The following TOPAZ1 variants were observed in gnomAD, a reference collection of about 807,000 sequenced individuals.
The protein encoded by TOPAZ1 is testis and ovary specific TOPAZ 1.
TOPAZ1 carries 66 observed loss-of-function variants against 172.2 expected under a neutral mutation model. That is an observed-to-expected ratio of 0.38 (90% CI 0.31 to 0.47). The LOEUF is 0.47. TOPAZ1 is among the 20% of genes least tolerant of loss of function. The pLI is 0.99. For synonymous variants in TOPAZ1, 681 were observed against 683.9 expected (o/e 1.00, Z 0.07); for missense variants, 1,822 against 1,972.4 (o/e 0.92, Z 1.44).
intron 19 of TOPAZ1, among the ~76,000 whole-genome samples, chr3:44,329,452 T>C (rs1700639668): frequency 6.6e-6 from 1 of 152,202 alleles, no homozygotes; most frequent in Admixed American, 6.5e-5. Flanking sequence ...ATGACATGAC[T>C]GACAGCTAAT....
chr3:44,281,383 G>A (rs1439439174), intron 8 of TOPAZ1, among the ~76,000 whole-genome samples: 2 of 152,132 alleles, frequency 1.3e-5, no homozygotes, highest in African/African-American at 4.8e-5. Context: ...AGTATCTTTT[G>A]AGAAATAGAA....
intron 4 of TOPAZ1, among the ~76,000 whole-genome samples, chr3:44,260,884 A>AGCCAGTC (rs1360816992): frequency 6.6e-6 from 1 of 152,174 alleles, no homozygotes; most frequent in Non-Finnish European, 1.5e-5. Context: ...CCAATTAACT[A>AGCCAGTC]GCCAGTTGTT....
chr3:44,245,164 TG>T lies in TOPAZ1; in HGVS notation c.2659del (p.Glu887ArgfsTer5). ...SNEGELSFTS[E>X]VPKISQEPNV... ...ATGAAGGGGAGCTCTCATTTACTTC[TG>T]AGGTCCCAAAGATAAGCCAGGAGCC... On this transcript the variant is annotated frameshift_variant, in exon 2 of 20. Coordinates refer to ENST00000309765, the MANE Select transcript of TOPAZ1 (RefSeq NM_001145030.2). LOFTEE classifies it high-confidence loss of function. 1 of 1,552,006 alleles carries T rather than the reference TG, an allele frequency of 6.4e-7. No individual in the cohort carries two copies. The highest frequency in any genetic ancestry group is 1.2e-5 in the South Asian group (1 of 84,066).
intron 9 of TOPAZ1, among the ~76,000 whole-genome samples, chr3:44,286,466 G>A (rs779168127): frequency 1.2e-4 from 18 of 152,090 alleles, no homozygotes; most frequent in Non-Finnish European, 2.2e-4. Flanking sequence ...AATAATTGTA[G>A]TATATAAAAA....
chr3:44,304,657 GATA>G (rs1700314398), intron 13 of TOPAZ1, among the ~76,000 whole-genome samples: 1 of 152,190 alleles, frequency 6.6e-6, no homozygotes, highest in African/African-American at 2.4e-5. Context: ...ATTGTAGAAA[GATA>G]ATAAGTTGAT....
intron 2 of TOPAZ1, among the ~76,000 whole-genome samples, chr3:44,250,874 T>C (rs1699622351): frequency 6.6e-6 from 1 of 152,140 alleles, no homozygotes; most frequent in Non-Finnish European, 1.5e-5. Flanking sequence ...TTGTACGTGA[T>C]TGAACATTTG....
intron 4 of TOPAZ1, among the ~76,000 whole-genome samples, chr3:44,259,011 A>T (rs1273697862): frequency 6.6e-6 from 1 of 152,104 alleles, no homozygotes; most frequent in African/African-American, 2.4e-5. Flanking sequence ...TCAGCTAGAG[A>T]TTTGGGCCAA....
At chr3:44,291,001 C>T in intron 12 of TOPAZ1, 115 bp downstream of exon 12, 1 of 621,436 alleles carries the variant, frequency 1.6e-6, no homozygotes, top group South Asian at 2.1e-5. Flanking sequence ...AGATAGTGGC[C>T]TGTCATAAAC....
intron 15 of TOPAZ1, among the ~76,000 whole-genome samples, chr3:44,309,239 A>G (rs1246442934): frequency 6.6e-6 from 1 of 152,142 alleles, no homozygotes. Context: ...CGGAATTAAG[A>G]ATTTTAGCTA....
At chr3:44,300,820 T>G (rs922472563) in intron 12 of TOPAZ1, among the ~76,000 whole-genome samples, 4 of 151,800 alleles carry the variant, frequency 2.6e-5, no homozygotes, top group African/African-American at 7.3e-5. Flanking sequence ...GTAAATGTTC[T>G]TAGCAGCTTT....
rs774247959 is a variant in TOPAZ1 at position 44,244,531 on chromosome 3, G to C, written c.2025G>C (p.Leu675Phe). The change falls in exon 2 of 20, where the codon TTG becomes TTC. Residue 675 changes from leucine (L) to phenylalanine (F), a missense_variant. Leu to Phe is a conservative substitution (Grantham distance 22, BLOSUM62 0). Transcript: ENST00000309765. ...IAQQTFIVPD[L>F]VKILNTGRLT... Reference sequence around the variant, plus strand: ...AACAAACATTTATAGTTCCAGACTTGGTTAAAATATTGAACACAGGACGGC... The same window carrying C: ...AACAAACATTTATAGTTCCAGACTTCGTTAAAATATTGAACACAGGACGGC... 48 of 1,550,836 alleles carry C rather than the reference G, an allele frequency of 3.1e-5. 2 individuals carry two copies. The South Asian group carries it at 5.5e-4, about 18-fold the overall frequency.
At chr3:44,250,413 A>G (rs1699617286) in intron 2 of TOPAZ1, among the ~76,000 whole-genome samples, 1 of 152,032 alleles carries the variant, frequency 6.6e-6, no homozygotes, top group African/African-American at 2.4e-5. Flanking sequence ...AATTTGTATA[A>G]AAATTATTAA....
intron 19 of TOPAZ1, 111 bp downstream of exon 19, chr3:44,328,544 T>C: frequency 2.1e-5 from 10 of 486,320 alleles, no homozygotes; most frequent in Non-Finnish European, 3.1e-5. Context: ...TATTTATGTA[T>C]ATATTTATAT....
chr3:44,311,228 T>A (rs912030032), intron 16 of TOPAZ1, among the ~76,000 whole-genome samples: 1 of 152,180 alleles, frequency 6.6e-6, no homozygotes, highest in Non-Finnish European at 1.5e-5. Flanking sequence ...AGGTTGTGAG[T>A]AGGCTTCATT....
chr3:44,273,060 A>G (rs1699915239), intron 8 of TOPAZ1, among the ~76,000 whole-genome samples: 1 of 152,224 alleles, frequency 6.6e-6, no homozygotes, highest in African/African-American at 2.4e-5. Context: ...GTGCCCAGAT[A>G]AGGCAAACAC....
downstream of TOPAZ1, among the ~76,000 whole-genome samples, chr3:44,335,582 C>G (rs912079412): frequency 3.8e-4 from 58 of 152,094 alleles, no homozygotes; most frequent in Non-Finnish European, 1.9e-4. Flanking sequence ...CAAGGTCATG[C>G]CATTGCACTC....
At chr3:44,273,454 T>C (rs1445215148) in intron 8 of TOPAZ1, among the ~76,000 whole-genome samples, 1 of 152,224 alleles carries the variant, frequency 6.6e-6, no homozygotes, top group Non-Finnish European at 1.5e-5. Flanking sequence ...CACTATATTC[T>C]CTACTCCGCA....
chr3:44,301,072 G>A (rs563902619), intron 12 of TOPAZ1, among the ~76,000 whole-genome samples: 26 of 152,138 alleles, frequency 1.7e-4, no homozygotes, highest in Non-Finnish European at 3.2e-4. Flanking sequence ...TAATATTCCC[G>A]AGATAACAAA....
chr3:44,298,032 A>G (rs555288842), intron 12 of TOPAZ1, among the ~76,000 whole-genome samples: 31 of 152,364 alleles, frequency 2.0e-4, no homozygotes, highest in East Asian at 1.9e-3. Context: ...AAAGGTGTCA[A>G]TGCTTCAAAA....
Sources: gnomAD v4.1 joint callset for allele counts (sites outside exome capture counted in the v4.1 genomes callset) on GRCh38, gnomAD v4.1.1 for gene constraint, MANE v1.5 for transcripts, NCBI Gene and HGNC (gene_info 2026-07-23, HGNC 2026-07-21) for gene names.